Variants in DENND5B observed in about 807,000 individuals in gnomAD.
The protein encoded by DENND5B is DENN domain containing 5B.
Under a neutral mutation model 140.6 loss-of-function variants are expected in DENND5B, and 34 were observed. The observed-to-expected ratio is 0.24, with a 90% CI of 0.18 to 0.32. The LOEUF (loss-of-function observed/expected upper bound fraction) is 0.32. Ranked by LOEUF, DENND5B falls within the 10% of genes least tolerant of loss-of-function variation. DENND5B has a pLI of 1.00. For missense variants in DENND5B, 1,142 were observed against 1,560.2 expected (o/e 0.73, Z 4.52); for synonymous variants, 551 against 562.1 (o/e 0.98, Z 0.28).
At chr12:31,403,422 G>A (rs1593070144) in intron 14 of DENND5B, among the ~76,000 whole-genome samples, 3 of 147,966 alleles carry the variant, frequency 2.0e-5, no homozygotes, top group African/African-American at 5.0e-5. Context: ...GCAAAACCCC[G>A]TCTCTACTAA....
chr12:31,531,769 T>C (rs1262463650), intron 1 of DENND5B, among the ~76,000 whole-genome samples: 7 of 152,144 alleles, frequency 4.6e-5, no homozygotes, highest in Non-Finnish European at 2.9e-5. Context: ...CCCTGCAACT[T>C]CCTTGATCCG....
intron 1 of DENND5B, among the ~76,000 whole-genome samples, chr12:31,547,603 G>A (rs1276021143): frequency 6.6e-6 from 1 of 151,900 alleles, no homozygotes; most frequent in Non-Finnish European, 1.5e-5. Context: ...TCATCATATT[G>A]GTCAGGCTGG....
intron 1 of DENND5B, among the ~76,000 whole-genome samples, chr12:31,511,921 CTTT>C (rs761566462): frequency 3.8e-4 from 38 of 98,936 alleles, no homozygotes; most frequent in Middle Eastern, 8.8e-3. Context: ...CTCCACTGCC[CTTT>C]TTTTTTTTTT....
intron 6 of DENND5B, among the ~76,000 whole-genome samples, chr12:31,446,672 G>A (rs1445755459): frequency 2.7e-5 from 4 of 149,698 alleles, no homozygotes; most frequent in Admixed American, 6.7e-5. Flanking sequence ...CGAGGTGGGC[G>A]ATCACGAGGT....
At chr12:31,587,562 T>C (rs1950440146) in intron 1 of DENND5B, among the ~76,000 whole-genome samples, 1 of 71,346 alleles carries the variant, frequency 1.4e-5, no homozygotes, top group Non-Finnish European at 2.5e-5. Flanking sequence ...TTTTTTTTTT[T>C]TTTGAGACAG....
intron 1 of DENND5B, among the ~76,000 whole-genome samples, chr12:31,557,611 T>C (rs1458011955): frequency 6.6e-6 from 1 of 151,936 alleles, no homozygotes; most frequent in Admixed American, 6.6e-5. Context: ...CGAACTTTGT[T>C]TTTAAAGGCA....
chr12:31,498,950 G>A (rs538116570), intron 1 of DENND5B, among the ~76,000 whole-genome samples: 1 of 138,576 alleles, frequency 7.2e-6, no homozygotes, highest in Admixed American at 7.9e-5. Context: ...TCTAGCCTGG[G>A]TGACAGAGTA....
chr12:31,586,743 G>A (rs935772836), intron 1 of DENND5B, among the ~76,000 whole-genome samples: 1 of 152,190 alleles, frequency 6.6e-6, no homozygotes, highest in African/African-American at 2.4e-5. Context: ...GAAAGTCTAT[G>A]AAGCAACTGG....
intron 1 of DENND5B, chr12:31,534,890 G>C: frequency 2.5e-6 from 1 of 399,800 alleles, no homozygotes; most frequent in South Asian, 2.1e-5. Context: ...TTTCCCAGCA[G>C]CAAGATGCAA....
chr12:31,449,649 T>G (rs1008475814), intron 5 of DENND5B, among the ~76,000 whole-genome samples: 1 of 151,900 alleles, frequency 6.6e-6, no homozygotes, highest in Non-Finnish European at 1.5e-5. Context: ...ACATAAAGAT[T>G]AAGAAGGAAG....
At chr12:31,504,417 G>C (rs370991588) in intron 1 of DENND5B, among the ~76,000 whole-genome samples, 11 of 152,276 alleles carry the variant, frequency 7.2e-5, no homozygotes, top group African/African-American at 2.6e-4. Flanking sequence ...CCTTCTGGTT[G>C]CTTCACGCTT....
chr12:31,590,595 G>T, intron 1 of DENND5B, 111 bp downstream of exon 1: 2 of 1,229,532 alleles, frequency 1.6e-6, no homozygotes, highest in Non-Finnish European at 2.1e-6. Context: ...CGGCGGGAGG[G>T]CGCCACCGGG....
At chr12:31,404,051 T>C (rs1023045676) in intron 14 of DENND5B, among the ~76,000 whole-genome samples, 2 of 151,426 alleles carry the variant, frequency 1.3e-5, no homozygotes, top group African/African-American at 4.9e-5. Context: ...TGAGACCTTG[T>C]CTCTATACAA....
At chr12:31,537,567 C>T (rs1288624671) in intron 1 of DENND5B, among the ~76,000 whole-genome samples, 4 of 151,848 alleles carry the variant, frequency 2.6e-5, no homozygotes, top group Non-Finnish European at 5.9e-5. Flanking sequence ...AGACAAGACC[C>T]ATAAAACAAC....
chr12:31,514,816 C>T (rs539369025), intron 1 of DENND5B, among the ~76,000 whole-genome samples: 7 of 126,838 alleles, frequency 5.5e-5, no homozygotes, highest in African/African-American at 1.2e-4. Flanking sequence ...AGTGAGACTC[C>T]GTCTCAAAAA....
chr12:31,460,089 TC>T (rs1282666877), intron 4 of DENND5B, 104 bp downstream of exon 4: 12 of 1,139,896 alleles, frequency 1.1e-5, no homozygotes, highest in Non-Finnish European at 1.4e-5. Flanking sequence ...TTTAGGAGAG[TC>T]AAAGAGACAG....
intron 2 of DENND5B, among the ~76,000 whole-genome samples, chr12:31,494,197 C>T (rs960404590): frequency 0.035 from 2,944 of 84,152 alleles, 94 homozygotes; most frequent in East Asian, 0.043. Flanking sequence ...TCCATCCATC[C>T]ATCCACCTAC....
At chr12:31,477,474 C>T (rs1945871562) in intron 3 of DENND5B, 1 of 152,212 alleles carries the variant, frequency 6.6e-6, no homozygotes. Flanking sequence ...ATTTAGCAGG[C>T]GCTCTCTCTA....
chr12:31,420,722 G>C (rs547486451), intron 11 of DENND5B, among the ~76,000 whole-genome samples: 71 of 152,188 alleles, frequency 4.7e-4, no homozygotes, highest in African/African-American at 1.6e-3. Context: ...GGAATTACAG[G>C]CATGAGCCAC....
Sources: allele counts gnomAD v4.1 joint callset (sites outside exome capture counted in the v4.1 genomes callset), GRCh38; gene constraint gnomAD v4.1.1; transcripts MANE v1.5; gene names NCBI Gene and HGNC (gene_info 2026-07-23, HGNC 2026-07-21).